The following IGF2BP3 variants were observed in gnomAD, a reference collection of about 807,000 sequenced individuals.
IGF2BP3 encodes insulin like growth factor 2 mRNA binding protein 3, also known as insulin-like growth factor 2 mRNA-binding protein 3.
Under a neutral mutation model 73.8 loss-of-function variants are expected in IGF2BP3, and 9 were observed. The ratio of observed to expected loss-of-function variants is 0.12; its 90% confidence interval spans 0.07 to 0.21. The LOEUF (loss-of-function observed/expected upper bound fraction) is 0.21, where lower values mean the gene tolerates loss of function less well. Ranked by LOEUF, IGF2BP3 falls within the 10% of genes least tolerant of loss-of-function variation. IGF2BP3 has a pLI of 1.00. For synonymous variants in IGF2BP3, 258 were observed against 256.7 expected (o/e 1.01, Z -0.05); for missense variants, 542 against 714.0 (o/e 0.76, Z 2.75).
chr7:23,378,532 A>G (rs1370295616), intron 3 of IGF2BP3, among the ~76,000 whole-genome samples: 2 of 136,946 alleles, frequency 1.5e-5, no homozygotes, highest in Non-Finnish European at 3.1e-5. Context: ...AGCTGGGATT[A>G]TGGGCGTGCA....
chr7:23,389,188 TCTCA>T (rs1786190038), intron 3 of IGF2BP3, among the ~76,000 whole-genome samples: 1 of 149,490 alleles, frequency 6.7e-6, no homozygotes, highest in South Asian at 2.1e-4. Context: ...TGAGACAGAG[TCTCA>T]CTCTGTCGCC....
At chr7:23,349,054 T>C (rs939092102) in intron 6 of IGF2BP3, among the ~76,000 whole-genome samples, 1 of 152,242 alleles carries the variant, frequency 6.6e-6, no homozygotes, top group African/African-American at 2.4e-5. Flanking sequence ...TACCAACAGC[T>C]ACCCAGGTGA....
chr7:23,378,972 A>G (rs1299327636), intron 3 of IGF2BP3, among the ~76,000 whole-genome samples: 1 of 152,154 alleles, frequency 6.6e-6, no homozygotes, highest in Non-Finnish European at 1.5e-5. Context: ...AGCAGAGGAA[A>G]AAAAGATGCT....
intron 3 of IGF2BP3, among the ~76,000 whole-genome samples, chr7:23,380,250 G>A (rs890271024): frequency 7.4e-6 from 1 of 135,172 alleles, no homozygotes; most frequent in East Asian, 2.5e-4. Flanking sequence ...TGCAACCTCC[G>A]CCTCCCGGGT....
At chr7:23,372,861 G>A (rs274041) in intron 3 of IGF2BP3, among the ~76,000 whole-genome samples, 8,658 of 152,150 alleles carry the variant, frequency 0.057, 401 homozygotes, top group African/African-American at 0.12. Flanking sequence ...AATCCCATGA[G>A]GCAACATTAT....
rs1043952062 is a variant in IGF2BP3, at chr7:23,349,067, C to T, written c.684-1333G>A. On this transcript the variant is annotated intron_variant, in intron 6 of 14. Coordinates refer to ENST00000258729, the MANE Select transcript of IGF2BP3 (RefSeq NM_006547.3). ...CTTACCAACAGCTACCCAGGTGAGACGAATGGTAACTTTTTAATTTACATA... is the reference window on the plus strand; with the variant it reads ...CTTACCAACAGCTACCCAGGTGAGATGAATGGTAACTTTTTAATTTACATA... Among the ~76,000 whole-genome samples the T allele has an allele frequency of 6.6e-5, 10 of 152,106 alleles. No homozygotes were observed. The East Asian group carries it at 1.4e-3, about 21-fold the overall frequency.
intron 10 of IGF2BP3, among the ~76,000 whole-genome samples, chr7:23,323,697 T>G (rs903373860): frequency 6.8e-4 from 103 of 152,036 alleles, no homozygotes; most frequent in Non-Finnish European, 1.2e-3. Flanking sequence ...AAATGTAAAA[T>G]AACAGAAATT....
chr7:23,336,569 G>A (rs997636837), intron 10 of IGF2BP3, among the ~76,000 whole-genome samples: 1 of 151,590 alleles, frequency 6.6e-6, no homozygotes, highest in African/African-American at 2.4e-5. Flanking sequence ...GCAGTGGCAC[G>A]ATCTCGGCTC....
intron 5 of IGF2BP3, among the ~76,000 whole-genome samples, chr7:23,360,083 A>G (rs1785187993): frequency 6.6e-6 from 1 of 151,426 alleles, no homozygotes; most frequent in Non-Finnish European, 1.5e-5. Context: ...CTAGATTGGC[A>G]AAGTTTGATA....
At chr7:23,327,207 C>G (rs1474015268) in intron 10 of IGF2BP3, among the ~76,000 whole-genome samples, 1 of 151,996 alleles carries the variant, frequency 6.6e-6, no homozygotes, top group African/African-American at 2.4e-5. Flanking sequence ...ATTCAGCTCC[C>G]AAGTACTCAA....
chr7:23,440,046 G>A (rs1329393510), intron 2 of IGF2BP3, among the ~76,000 whole-genome samples: 3 of 152,120 alleles, frequency 2.0e-5, no homozygotes, highest in African/African-American at 4.8e-5. Context: ...GGCAGATCAC[G>A]AGGTCAGGAG....
intron 10 of IGF2BP3, among the ~76,000 whole-genome samples, chr7:23,340,849 CTT>C (rs551566879): frequency 2.9e-4 from 41 of 139,354 alleles, no homozygotes; most frequent in African/African-American, 8.7e-4. Context: ...TTTTCTTTTT[CTT>C]TTTTTTTTTT....
chr7:23,407,152 A>C (rs145179087), intron 3 of IGF2BP3, among the ~76,000 whole-genome samples: 3 of 150,666 alleles, frequency 2.0e-5, no homozygotes, highest in African/African-American at 7.3e-5. Flanking sequence ...ACAAAGCTTT[A>C]TGCAACTTGT....
intron 3 of IGF2BP3, among the ~76,000 whole-genome samples, chr7:23,365,161 G>A (rs1210655713): frequency 1.3e-5 from 2 of 151,850 alleles, no homozygotes; most frequent in Non-Finnish European, 1.5e-5. Context: ...GCAAGATTCT[G>A]TCTCAAAATA....
intron 2 of IGF2BP3, among the ~76,000 whole-genome samples, chr7:23,420,756 T>C (rs1787321867): frequency 6.6e-6 from 1 of 152,072 alleles, no homozygotes; most frequent in Non-Finnish European, 1.5e-5. Flanking sequence ...AATCATAAAA[T>C]GGAGGAGGGA....
At chr7:23,342,742 T>C (rs910835778) in intron 9 of IGF2BP3, among the ~76,000 whole-genome samples, 4 of 152,140 alleles carry the variant, frequency 2.6e-5, no homozygotes, top group African/African-American at 9.7e-5. Flanking sequence ...GTATTTTAAT[T>C]TGTTTAATTT....
chr7:23,320,077 ATTTT>A, intron 10 of IGF2BP3, among the ~76,000 whole-genome samples: 1 of 142,572 alleles, frequency 7.0e-6, no homozygotes, highest in Middle Eastern at 3.7e-3. Context: ...CACCCGGCTA[ATTTT>A]TTTTTTTTTT....
chr7:23,400,337 T>C (rs945380180), intron 3 of IGF2BP3, among the ~76,000 whole-genome samples: 1 of 152,216 alleles, frequency 6.6e-6, no homozygotes, highest in Non-Finnish European at 1.5e-5. Flanking sequence ...GAAGAAGTAG[T>C]ATCTCTAAGC....
chr7:23,378,252 T>C (rs1165991798), intron 3 of IGF2BP3, among the ~76,000 whole-genome samples: 2 of 152,180 alleles, frequency 1.3e-5, no homozygotes, highest in Non-Finnish European at 2.9e-5. Flanking sequence ...GAAAGACTTT[T>C]TCTTTTCACT....
Sources: gnomAD v4.1 joint callset for allele counts (sites outside exome capture counted in the v4.1 genomes callset) on GRCh38, gnomAD v4.1.1 for gene constraint, MANE v1.5 for transcripts, NCBI Gene and HGNC (gene_info 2026-07-23, HGNC 2026-07-21) for gene names.